The following IL15RA variants were observed in gnomAD, a reference collection of about 807,000 sequenced individuals.
The protein encoded by IL15RA is interleukin 15 receptor subunit alpha, also known as interleukin-15 receptor subunit alpha.
IL15RA carries 26 observed loss-of-function variants against 24.2 expected under a neutral mutation model. The observed-to-expected ratio is 1.07, with a 90% CI of 0.79 to 1.49. The LOEUF (loss-of-function observed/expected upper bound fraction) is 1.49. IL15RA is among the 40% of genes most tolerant of loss of function. The pLI is 0.00. For missense variants in IL15RA, 354 were observed against 356.4 expected (o/e 0.99, Z 0.05); for synonymous variants, 166 against 157.6 (o/e 1.05, Z -0.40).
chr10:5,955,724 A>G lies in IL15RA; in HGVS notation c.692+655T>C, dbSNP rs531669102. 3.3e-5 allele frequency among the ~76,000 whole-genome samples: 5 copies of G among 152,348 alleles called. No individual in the cohort carries two copies. Among genetic ancestry groups the G allele is most frequent in the African/African-American group, 1.2e-4 (5 of 41,570 alleles). ...AAAATTAAGGCTAACATGAATCAGT[A>G]TATTTATAAGAAGGCATACCCCTAT... On this transcript the variant is annotated intron_variant, in intron 6 of 6. Coordinates refer to ENST00000379977, the MANE Select transcript of IL15RA (RefSeq NM_002189.4). This position sits in a 1 kb window ranked among gnomAD's most constrained non-coding sequence, Gnocchi z 5.3.
rs1372868920 is a variant in IL15RA at position 5,966,410 on chromosome 10, C to A, written c.89-71G>T. On this transcript the variant is annotated intron_variant, in intron 1 of 6. Coordinates refer to ENST00000379977, the MANE Select transcript of IL15RA (RefSeq NM_002189.4). The surrounding 1 kb of genome is among the most constrained non-coding windows in gnomAD (Gnocchi z 6.4). Reference sequence around the variant, plus strand: ...GTAAGAGGCGTTCTCCAGGCACACGCAGCGGTAGTCAGTGTCCAGCTTATC... The same window carrying A: ...GTAAGAGGCGTTCTCCAGGCACACGAAGCGGTAGTCAGTGTCCAGCTTATC... The A allele has an allele frequency of 2.4e-6, 3 of 1,266,636 alleles. No individual in the cohort carries two copies. In the African/African-American group the frequency reaches 4.4e-5, roughly 19 times the overall value. The allele number at this position is 1,266,636 out of a possible 1,614,324, so 78.5% of individuals were successfully genotyped here.
At position 5,959,246 on chromosome 10, in the gene IL15RA, C is replaced by T. The variant is rs1339202877; in HGVS notation, c.616+508G>A. Among the ~76,000 whole-genome samples the T allele has an allele frequency of 6.6e-6, 1 of 151,104 alleles. No homozygotes were observed. The highest frequency in any genetic ancestry group is 1.5e-5 in the Non-Finnish European group (1 of 67,862). ...GCCTCAAATTCTGGCCTCAAGCAAT[C>T]CTCCCATTTCGGCCTCCCAAACTGC... On this transcript the variant is annotated intron_variant, in intron 5 of 6. Transcript: ENST00000379977. The surrounding 1 kb of genome is among the most constrained non-coding windows in gnomAD (Gnocchi z 4.1).
At chr10:5,978,456 T>G (rs1838772654), upstream of IL15RA, among the ~76,000 whole-genome samples, 1 of 152,198 alleles carries the variant, frequency 6.6e-6, no homozygotes, top group Admixed American at 6.5e-5. This position sits in a 1 kb window ranked among gnomAD's most constrained non-coding sequence, Gnocchi z 5.2. Context: ...CATTGCCTCT[T>G]AAAATCTCAC....
chr10:5,959,170 C>CT lies in IL15RA; in HGVS notation c.616+583dup, dbSNP rs566891770. On this transcript the variant is annotated intron_variant, in intron 5 of 6. Transcript: ENST00000379977. The surrounding 1 kb of genome is among the most constrained non-coding windows in gnomAD (Gnocchi z 4.1). ...GTTAACTTTTTTTCTTTTTCTTTTT[C>CT]TTTTTTTTTTTTTTTAATAGAGATG... 0.055 allele frequency among the ~76,000 whole-genome samples: 7,561 copies of CT among 138,198 alleles called. 250 individuals are homozygous for CT. Among genetic ancestry groups the CT allele is most frequent in the South Asian group, 0.14 (587 of 4,300 alleles). 90.7% of individuals were successfully genotyped at this position (138,198 alleles called of 152,430 possible). A position where few individuals can be genotyped will look rare whatever the true frequency, so the allele number is the denominator to read the frequency against.
chr10:5,957,252 C>T (rs903252999), intron 5 of IL15RA, among the ~76,000 whole-genome samples: 3 of 151,986 alleles, frequency 2.0e-5, no homozygotes, highest in South Asian at 2.1e-4. Flanking sequence ...TGAGCCACTG[C>T]GTCCAGTCTA....
chr10:5,954,203 G>A (rs982502071), intron 6 of IL15RA, among the ~76,000 whole-genome samples: 2 of 112,708 alleles, frequency 1.8e-5, no homozygotes, highest in Admixed American at 2.3e-4. Flanking sequence ...ACAGGTTCTT[G>A]CTCTGTCTCC....
chr10:5,977,785 G>A (rs1269989504), upstream of IL15RA: 2 of 529,096 alleles, frequency 3.8e-6, no homozygotes, highest in Non-Finnish European at 5.8e-6. Flanking sequence ...ACCCACGCAA[G>A]CCCGGGAGCC....
In IL15RA at chr10:5,966,796, C is replaced by A. The variant is rs117035480; in HGVS notation, c.89-457G>T. 1.3e-3 allele frequency among the ~76,000 whole-genome samples: 198 copies of A among 152,154 alleles called. 4 individuals are homozygous for A. In the East Asian group the frequency reaches 0.035, roughly 27 times the overall value. ...TTTGAGCCTGGCCAACATGGTGACA[C>A]CCCATCTTTATTAAAAATACAAAAA... On this transcript the variant is annotated intron_variant, in intron 1 of 6. Coordinates refer to ENST00000379977, the MANE Select transcript of IL15RA (RefSeq NM_002189.4). The surrounding 1 kb of genome is among the most constrained non-coding windows in gnomAD (Gnocchi z 6.4).
rs1835203235 is a variant in IL15RA, at chr10:5,959,861, G to T, written c.584-75C>A. On this transcript the variant is annotated intron_variant, in intron 4 of 6. Transcript: ENST00000379977. This position sits in a 1 kb window ranked among gnomAD's most constrained non-coding sequence, Gnocchi z 4.1. ...TTCCTCATGAAGCAGGAGAAAATCT[G>T]CATGGCTTGGCTCCCATCTTAGCAC... The T allele has an allele frequency of 1.4e-6, 2 of 1,419,610 alleles. No homozygotes were observed. Among genetic ancestry groups the T allele is most frequent in the Non-Finnish European group, 2.0e-6 (2 of 1,009,494 alleles). The allele number at this position is 1,419,610 out of a possible 1,614,324, so 87.9% of individuals were successfully genotyped here. A position where few individuals can be genotyped will look rare whatever the true frequency, so the allele number is the denominator to read the frequency against.
upstream of IL15RA, among the ~76,000 whole-genome samples, chr10:5,978,676 G>A (rs112343253): frequency 8.7e-3 from 1,327 of 152,236 alleles, 21 homozygotes; most frequent in African/African-American, 0.031. This position sits in a 1 kb window ranked among gnomAD's most constrained non-coding sequence, Gnocchi z 5.2. Flanking sequence ...CAGGTGGATC[G>A]CCTGAAGTCA....
chr10:5,951,911 C>T (rs1245521627), downstream of IL15RA, among the ~76,000 whole-genome samples: 1 of 152,128 alleles, frequency 6.6e-6, no homozygotes, highest in Non-Finnish European at 1.5e-5. Context: ...CCTCCTGCCT[C>T]GGCCTCCTGA....
intron 1 of IL15RA, among the ~76,000 whole-genome samples, chr10:5,974,921 T>C (rs1343883940): frequency 6.7e-6 from 1 of 150,366 alleles, no homozygotes; most frequent in Non-Finnish European, 1.5e-5. Context: ...AATAAATAAA[T>C]AAAAATTAAA....
In IL15RA at chr10:5,959,368, T is replaced by G. The variant is rs887069621; in HGVS notation, c.616+386A>C. The stretch of plus-strand genomic sequence containing the variant: ...CTGTTAAGTGCACGGTGCCACGCCC[T>G]GGAGAGGAATTGGCAGCTTCTGGCA... On this transcript the variant is annotated intron_variant, in intron 5 of 6. Transcript: ENST00000379977. The surrounding 1 kb of genome is among the most constrained non-coding windows in gnomAD (Gnocchi z 4.1). 6.6e-6 allele frequency among the ~76,000 whole-genome samples: 1 copy of G among 152,026 alleles called. No individual in the cohort carries two copies. Among genetic ancestry groups the G allele is most frequent in the Non-Finnish European group, 1.5e-5 (1 of 67,992 alleles).
rs761627061 is a variant in IL15RA at position 5,959,702 on chromosome 10, G to C, written c.616+52C>G. The C allele has an allele frequency of 1.9e-6, 3 of 1,574,626 alleles. No individual in the cohort carries two copies. The African/African-American group carries it at 4.1e-5, about 21-fold the overall frequency. On this transcript the variant is annotated intron_variant, in intron 5 of 6. Coordinates refer to ENST00000379977, the MANE Select transcript of IL15RA (RefSeq NM_002189.4). The surrounding 1 kb of genome is among the most constrained non-coding windows in gnomAD (Gnocchi z 4.1). Reference sequence around the variant, plus strand: ...CTGGGCCAGGACCACCCAGCACCCTGGGACTGCGGTCACCCTGATCATAAA... The same window carrying C: ...CTGGGCCAGGACCACCCAGCACCCTCGGACTGCGGTCACCCTGATCATAAA...
In IL15RA at chr10:5,975,633, T is replaced by A. The variant is rs1394750496; in HGVS notation, c.88+1772A>T. Among the ~76,000 whole-genome samples, 1 of 151,990 alleles carries A rather than the reference T, an allele frequency of 6.6e-6. No individual in the cohort carries two copies. The highest frequency in any genetic ancestry group is 6.6e-5 in the Admixed American group (1 of 15,262). ...TGGGCAAGCTGGCTCACGCCTGTAA[T>A]CCCAGCACTTTGGAAGGCCGAGGCG... On this transcript the variant is annotated intron_variant, in intron 1 of 6. Coordinates refer to ENST00000379977, the MANE Select transcript of IL15RA (RefSeq NM_002189.4). This position sits in a 1 kb window ranked among gnomAD's most constrained non-coding sequence, Gnocchi z 4.8.
chr10:5,957,205 C>T (rs571816998), intron 5 of IL15RA, among the ~76,000 whole-genome samples: 2 of 152,154 alleles, frequency 1.3e-5, no homozygotes, highest in East Asian at 3.9e-4. Flanking sequence ...AAGTGATCCA[C>T]CTGCCTCAGC....
upstream of IL15RA, chr10:5,977,690 G>A (rs1838682453): frequency 8.2e-7 from 1 of 1,226,510 alleles, no homozygotes. Flanking sequence ...TGCTGGGGAA[G>A]GAGCCCCGCC....
chr10:5,968,690 CCTT>C lies in IL15RA; in HGVS notation c.89-2354_89-2352del. On this transcript the variant is annotated intron_variant, in intron 1 of 6. Coordinates refer to ENST00000379977, the MANE Select transcript of IL15RA (RefSeq NM_002189.4). The surrounding 1 kb of genome is among the most constrained non-coding windows in gnomAD (Gnocchi z 5.4). ...GTTCTGCTCCACACTGATCTTCTGTCCTTCTCTACCTGCCTAAACCACAGAGTG... is the reference window on the plus strand; with the variant it reads ...GTTCTGCTCCACACTGATCTTCTGTCCTCTACCTGCCTAAACCACAGAGTG... The C allele has an allele frequency of 1.5e-6, 1 of 688,540 alleles. No individual in the cohort carries two copies. Among genetic ancestry groups the C allele is most frequent in the Non-Finnish European group, 2.7e-6 (1 of 376,360 alleles). 42.7% of individuals were successfully genotyped at this position (688,540 alleles called of 1,614,324 possible).
At chr10:5,974,015 A>T (rs2132699740) in intron 1 of IL15RA, among the ~76,000 whole-genome samples, 1 of 152,166 alleles carries the variant, frequency 6.6e-6, no homozygotes, top group East Asian at 1.9e-4. Flanking sequence ...TCAGAAAAAA[A>T]AAAAAAGACA....
Sources: allele counts gnomAD v4.1 joint callset (sites outside exome capture counted in the v4.1 genomes callset), GRCh38; gene constraint gnomAD v4.1.1; non-coding constraint Gnocchi (gnomAD v3.1); transcripts MANE v1.5; gene names NCBI Gene and HGNC (gene_info 2026-07-23, HGNC 2026-07-21).